Variants in OR51B5 observed in about 807,000 individuals in gnomAD.
The protein encoded by OR51B5 is olfactory receptor 51B5.
For missense variants in OR51B5, 456 were observed against 374.6 expected (o/e 1.22, Z -1.79); for synonymous variants, 186 against 144.8 (o/e 1.28, Z -2.04).
chr11:5,416,454 G>A (rs571897495), intron 1 of OR51B5, among the ~76,000 whole-genome samples: 59 of 152,250 alleles, frequency 3.9e-4, no homozygotes, highest in Admixed American at 3.2e-3. Context: ...AGGAAATAAA[G>A]AGTATTCAAT....
intron 1 of OR51B5, among the ~76,000 whole-genome samples, chr11:5,484,386 C>G (rs1031777610): frequency 1.3e-5 from 2 of 152,140 alleles, no homozygotes; most frequent in Non-Finnish European, 2.9e-5. Context: ...CACAGAGTAG[C>G]AGTTACCTTA....
rs1300486677 is a variant in OR51B5 at position 5,465,760 on chromosome 11, G to T, written n.84+39809C>A. Reference sequence around the variant, plus strand: ...TGGGAAAACTGGCTAGCCATATGTAGAAAGCTGAAACTGGATCCCTTCCTT... The same window carrying T: ...TGGGAAAACTGGCTAGCCATATGTATAAAGCTGAAACTGGATCCCTTCCTT... On this transcript the variant is annotated intron_variant and non_coding_transcript_variant, in intron 1 of 4. Coordinates refer to the OR51B5 transcript ENST00000415970. 6.9e-5 allele frequency among the ~76,000 whole-genome samples: 10 copies of T among 144,850 alleles called. 1 individual carries two copies. In the South Asian group the frequency reaches 7.1e-4, roughly 10 times the overall value.
At chr11:5,503,756 G>A (rs1271594579) in intron 1 of OR51B5, among the ~76,000 whole-genome samples, 2 of 152,136 alleles carry the variant, frequency 1.3e-5, no homozygotes, top group African/African-American at 4.8e-5. Flanking sequence ...TTTCAGTCTA[G>A]TGTAGATACT....
At chr11:5,376,222 T>C (rs975434629) in intron 1 of OR51B5, among the ~76,000 whole-genome samples, 1 of 151,922 alleles carries the variant, frequency 6.6e-6, no homozygotes, top group Non-Finnish European at 1.5e-5. Context: ...ACTGGGTACA[T>C]AACGAAATGA....
chr11:5,422,749 C>T (rs1213774391), intron 1 of OR51B5: 3 of 1,613,994 alleles, frequency 1.9e-6, no homozygotes, highest in African/African-American at 1.3e-5. Context: ...ATTGCCTCCA[C>T]CAGGATATGA....
chr11:5,503,684 A>C (rs1846331189), intron 1 of OR51B5, among the ~76,000 whole-genome samples: 1 of 152,220 alleles, frequency 6.6e-6, no homozygotes, highest in African/African-American at 2.4e-5. Context: ...GTAGTATTAG[A>C]TAAAATAAAA....
chr11:5,473,593 G>C (rs1363568413), intron 1 of OR51B5, among the ~76,000 whole-genome samples: 2 of 152,050 alleles, frequency 1.3e-5, no homozygotes, highest in Non-Finnish European at 2.9e-5. Flanking sequence ...GACACAGTTA[G>C]CTCATTTAGT....
At position 5,395,379 on chromosome 11, in the gene OR51B5, G is replaced by A. The variant is rs540868080; in HGVS notation, n.85-48469C>T. On this transcript the variant is annotated intron_variant and non_coding_transcript_variant, in intron 1 of 4. Transcript: ENST00000415970. ...GTCCTTTGTTTTGTGGATAAAGGAA[G>A]TCATTGGAGTGACCTCTCTAATATC... Among the ~76,000 whole-genome samples, 5 of 152,308 alleles carry A rather than the reference G, an allele frequency of 3.3e-5. No homozygotes were observed. The South Asian group carries it at 1.0e-3, about 32-fold the overall frequency.
chr11:5,382,723 C>T (rs1321363875), intron 1 of OR51B5, among the ~76,000 whole-genome samples: 1 of 152,198 alleles, frequency 6.6e-6, no homozygotes, highest in Non-Finnish European at 1.5e-5. Flanking sequence ...ATCCTGCTCT[C>T]TGCATCTTGT....
chr11:5,444,812 G>T (rs1030746120), intron 1 of OR51B5, among the ~76,000 whole-genome samples: 4 of 152,212 alleles, frequency 2.6e-5, no homozygotes, highest in African/African-American at 4.8e-5. Flanking sequence ...TAAGAGAATT[G>T]CTCCCAGGAG....
intron 1 of OR51B5, among the ~76,000 whole-genome samples, chr11:5,442,694 G>A (rs1850708822): frequency 6.6e-6 from 1 of 152,086 alleles, no homozygotes; most frequent in Admixed American, 6.5e-5. Flanking sequence ...TTGTTTCTGA[G>A]ATCTTCGATG....
chr11:5,419,437 A>G (rs920225358), intron 1 of OR51B5, among the ~76,000 whole-genome samples: 1 of 152,174 alleles, frequency 6.6e-6, no homozygotes, highest in Admixed American at 6.5e-5. Context: ...TTGGGTCAAA[A>G]GTATTGGAAA....
chr11:5,422,936 C>T, intron 1 of OR51B5: 1 of 1,614,086 alleles, frequency 6.2e-7, no homozygotes, highest in South Asian at 1.1e-5. Flanking sequence ...CTGCCTGTCC[C>T]ACATTCTAGC....
At chr11:5,376,424 C>T (rs1462306344) in intron 1 of OR51B5, among the ~76,000 whole-genome samples, 1 of 152,004 alleles carries the variant, frequency 6.6e-6, no homozygotes, top group South Asian at 2.1e-4. Flanking sequence ...AGAGCAAACA[C>T]ATTCAAAAGC....
rs895128043 is a variant in OR51B5, at chr11:5,367,443, A to T, written n.85-20533T>A. 2.0e-5 allele frequency among the ~76,000 whole-genome samples: 3 copies of T among 152,312 alleles called. No homozygotes were observed. In the South Asian group the frequency reaches 6.2e-4, roughly 32 times the overall value. On this transcript the variant is annotated intron_variant and non_coding_transcript_variant, in intron 1 of 4. Coordinates refer to the OR51B5 transcript ENST00000415970. ...TGATATGCTAAACAAGGGGTGGATT[A>T]TTCATGCCTCCCCTTTTCAGACCGC...
chr11:5,430,924 A>G (rs756472593), intron 1 of OR51B5: 7 of 457,054 alleles, frequency 1.5e-5, no homozygotes, highest in Non-Finnish European at 3.1e-5. Flanking sequence ...AATGCCCATC[A>G]CTGTATAAAG....
chr11:5,440,733 G>A lies in OR51B5; in HGVS notation n.84+64836C>T, dbSNP rs61737027. 9.4e-4 allele frequency: 1,513 copies of A among 1,613,974 alleles called. 15 individuals are homozygous for A. In the African/African-American group the frequency reaches 0.018, roughly 19 times the overall value. The stretch of plus-strand genomic sequence containing the variant: ...ACTTTTCCAGAAGCGGTGAATCATG[G>A]AGACAGCAATTATGGGCACATAAAA... On this transcript the variant is annotated intron_variant and non_coding_transcript_variant, in intron 1 of 4. Coordinates refer to the OR51B5 transcript ENST00000415970.
At chr11:5,346,411 G>GAA (rs1848990866), upstream of OR51B5, 1 of 152,000 alleles carries the variant, frequency 6.6e-6, no homozygotes, top group Non-Finnish European at 1.5e-5. Flanking sequence ...ATATAGGGAA[G>GAA]GAAAGAGATC....
At chr11:5,361,308 A>T in intron 1 of OR51B5, among the ~76,000 whole-genome samples, 1 of 152,132 alleles carries the variant, frequency 6.6e-6, no homozygotes, top group East Asian at 1.9e-4. Context: ...AAAGTTCTAA[A>T]TCCCTCAGGC....
Sources: allele counts gnomAD v4.1 joint callset (sites outside exome capture counted in the v4.1 genomes callset), GRCh38; gene constraint gnomAD v4.1.1; transcripts MANE v1.5; gene names NCBI Gene and HGNC (gene_info 2026-07-23, HGNC 2026-07-21).